Variants in DPH6 observed in about 807,000 individuals in gnomAD.
The protein encoded by DPH6 is diphthamine biosynthesis 6.
DPH6 carries 33 observed loss-of-function variants against 38.2 expected under a neutral mutation model. That is an observed-to-expected ratio of 0.86 (90% CI 0.65 to 1.15). The LOEUF (loss-of-function observed/expected upper bound fraction) is 1.15. Ranked by LOEUF, DPH6 falls within the 50% of genes most tolerant of loss-of-function variation. The pLI is 0.00. For missense variants in DPH6, 325 were observed against 320.0 expected (o/e 1.02, Z -0.12); for synonymous variants, 108 against 103.0 (o/e 1.05, Z -0.30).
At chr15:35,520,328 C>T in intron 3 of DPH6, 1 of 981,730 alleles carries the variant, frequency 1.0e-6, no homozygotes, top group Non-Finnish European at 1.2e-6. Context: ...ATAGAAAAAG[C>T]AAGTTTTTCC....
At chr15:35,193,982 G>A in the DPH6 span, among the ~76,000 whole-genome samples, 1 of 152,088 alleles carries the variant, frequency 6.6e-6, no homozygotes, top group Admixed American at 6.5e-5. Context: ...TTATTCTGAT[G>A]TTTAGCTTTC....
chr15:35,185,724 C>CTTTTT, the DPH6 span, among the ~76,000 whole-genome samples: 57 of 83,004 alleles, frequency 6.9e-4, no homozygotes, highest in African/African-American at 1.0e-3. Context: ...CCAATCCACT[C>CTTTTT]TTTTTTTTTT....
the DPH6 span, among the ~76,000 whole-genome samples, chr15:35,176,330 G>A: frequency 6.6e-6 from 1 of 152,224 alleles, no homozygotes; most frequent in Admixed American, 6.5e-5. Context: ...TTAACAATAT[G>A]AGGGCTATTT....
At chr15:35,435,808 T>C (rs2053691357) in intron 5 of DPH6, among the ~76,000 whole-genome samples, 1 of 151,986 alleles carries the variant, frequency 6.6e-6, no homozygotes, top group African/African-American at 2.4e-5. Flanking sequence ...AAAAAATCTC[T>C]TTTCCTTTTG....
Position 35,282,220 on chromosome 15 carries a change from G to C in DPH6, n.201-61638C>G, listed in dbSNP as rs1038948068. ...TGGATCTTGCTCTGTCACTCAGGCT[G>C]AAGTGCAGCAGTGCAATCATAGCTC... On this transcript the variant is annotated intron_variant and non_coding_transcript_variant, in intron 3 of 3. Coordinates refer to the DPH6 transcript ENST00000560386. Among the ~76,000 whole-genome samples the C allele has an allele frequency of 5.9e-5, 9 of 152,158 alleles. 1 individual carries two copies. In the South Asian group the frequency reaches 6.2e-4, roughly 11 times the overall value.
intron 5 of DPH6, among the ~76,000 whole-genome samples, chr15:35,430,292 C>T (rs11634336): frequency 0.053 from 8,008 of 151,464 alleles, 230 homozygotes; most frequent in Middle Eastern, 0.14. Context: ...CATTGCTACT[C>T]AGTTTATAAA....
intron 3 of DPH6, among the ~76,000 whole-genome samples, chr15:35,227,487 A>T (rs2051490573): frequency 6.6e-6 from 1 of 151,764 alleles, no homozygotes; most frequent in East Asian, 1.9e-4. Flanking sequence ...CTGGCCTAAC[A>T]TCTTCTTTTT....
the DPH6 span, among the ~76,000 whole-genome samples, chr15:35,206,340 C>A: frequency 6.6e-6 from 1 of 152,098 alleles, no homozygotes; most frequent in Non-Finnish European, 1.5e-5. Context: ...GAACCTGAAT[C>A]ACATCATTAT....
chr15:35,401,415 A>G (rs2053217236), intron 6 of DPH6: 1 of 767,920 alleles, frequency 1.3e-6, no homozygotes, highest in Non-Finnish European at 2.4e-6. Context: ...GTTATGGAGG[A>G]AGCGGCCCTG....
At chr15:35,507,598 G>T (rs957059578) in intron 3 of DPH6, among the ~76,000 whole-genome samples, 3 of 151,904 alleles carry the variant, frequency 2.0e-5, no homozygotes, top group Admixed American at 1.3e-4. Context: ...AAAGTAAAAA[G>T]AACTAAATTA....
At chr15:35,223,178 C>T (rs1367830384) in intron 3 of DPH6, among the ~76,000 whole-genome samples, 1 of 152,080 alleles carries the variant, frequency 6.6e-6, no homozygotes, top group Non-Finnish European at 1.5e-5. Flanking sequence ...ATTAAAAGGC[C>T]AGAATCTTGC....
the DPH6 span, among the ~76,000 whole-genome samples, chr15:35,160,952 G>C: frequency 1.2e-4 from 18 of 151,926 alleles, no homozygotes; most frequent in Non-Finnish European, 2.6e-4. Flanking sequence ...AGAACACATG[G>C]ATACAGGAAG....
intron 3 of DPH6, chr15:35,237,319 G>T: frequency 3.8e-6 from 6 of 1,586,270 alleles, no homozygotes; most frequent in Non-Finnish European, 5.2e-6. Context: ...TGCAGAGAAC[G>T]CGAGAGATGA....
At chr15:35,408,327 T>C (rs1174678634) in intron 6 of DPH6, among the ~76,000 whole-genome samples, 1 of 151,912 alleles carries the variant, frequency 6.6e-6, no homozygotes, top group African/African-American at 2.4e-5. Flanking sequence ...GGAAATAAAA[T>C]AGAAGGTAGA....
chr15:35,310,983 C>A (rs2086915794), intron 3 of DPH6, among the ~76,000 whole-genome samples: 2 of 151,514 alleles, frequency 1.3e-5, no homozygotes. Context: ...CGCTTGAACC[C>A]GGGAGGAGGA....
chr15:35,508,033 T>C (rs2054718560), intron 3 of DPH6, among the ~76,000 whole-genome samples: 1 of 152,072 alleles, frequency 6.6e-6, no homozygotes, highest in Admixed American at 6.5e-5. Flanking sequence ...AACCCTCGTA[T>C]TTTCTGCCTC....
the DPH6 span, among the ~76,000 whole-genome samples, chr15:35,189,853 G>A: frequency 6.6e-6 from 1 of 152,210 alleles, no homozygotes; most frequent in East Asian, 1.9e-4. Flanking sequence ...AGGAGTAGGA[G>A]TAGTAAATGA....
chr15:35,279,618 C>T (rs2051885378), intron 3 of DPH6, among the ~76,000 whole-genome samples: 1 of 152,192 alleles, frequency 6.6e-6, no homozygotes, highest in Admixed American at 6.5e-5. Flanking sequence ...TGCTTCCTCT[C>T]TCACCATAGG....
At chr15:35,286,585 G>A (rs2051945381) in intron 3 of DPH6, among the ~76,000 whole-genome samples, 1 of 152,130 alleles carries the variant, frequency 6.6e-6, no homozygotes, top group South Asian at 2.1e-4. Flanking sequence ...AGCATTGCTA[G>A]GTTAGTGGAC....
Sources: gnomAD v4.1 joint callset for allele counts (sites outside exome capture counted in the v4.1 genomes callset) on GRCh38, gnomAD v4.1.1 for gene constraint, MANE v1.5 for transcripts, NCBI Gene and HGNC (gene_info 2026-07-23, HGNC 2026-07-21) for gene names.